The following PDE1A variants were observed in gnomAD, a reference collection of about 807,000 sequenced individuals.
The protein encoded by PDE1A is dual specificity calcium/calmodulin-dependent 3',5'-cyclic nucleotide phosphodiesterase 1A.
Under a neutral mutation model 61.7 loss-of-function variants are expected in PDE1A, and 35 were observed. The observed-to-expected ratio is 0.57, with a 90% CI of 0.43 to 0.75. The LOEUF (loss-of-function observed/expected upper bound fraction) is 0.75, where lower values mean the gene tolerates loss of function less well. Ranked by LOEUF, PDE1A falls within the 30% of genes least tolerant of loss-of-function variation. PDE1A has a pLI of 0.00. For synonymous variants in PDE1A, 232 were observed against 213.2 expected, an observed-to-expected ratio of 1.09 and a Z score of -0.77; for missense variants, 597 against 630.6, an observed-to-expected ratio of 0.95 and a Z score of 0.57.
At chr2:182,510,469 C>T (rs1268594040) in intron 2 of PDE1A, among the ~76,000 whole-genome samples, 1 of 152,184 alleles carries the variant, frequency 6.6e-6, no homozygotes, top group African/African-American at 2.4e-5. Context: ...TCACATATTA[C>T]ATTTGACTAG....
At chr2:182,585,907 T>G in the PDE1A span, among the ~76,000 whole-genome samples, 2 of 152,156 alleles carry the variant, frequency 1.3e-5, no homozygotes, top group East Asian at 3.8e-4. Flanking sequence ...GAAAGGTGAT[T>G]TGACTTAAAT....
the PDE1A span, among the ~76,000 whole-genome samples, chr2:182,560,763 G>A: frequency 1.3e-5 from 2 of 151,864 alleles, no homozygotes; most frequent in African/African-American, 4.8e-5. Context: ...ATTCTAACTA[G>A]TGTGAGATGG....
the PDE1A span, among the ~76,000 whole-genome samples, chr2:182,697,121 TGA>T: frequency 6.6e-6 from 1 of 152,174 alleles, no homozygotes; most frequent in African/African-American, 2.4e-5. Flanking sequence ...ATTCCCACCA[TGA>T]GAGTCATTAC....
chr2:182,458,993 A>T (rs770713184), intron 2 of PDE1A, among the ~76,000 whole-genome samples: 21 of 152,084 alleles, frequency 1.4e-4, no homozygotes, highest in Non-Finnish European at 1.5e-5. Flanking sequence ...ATTCTTACAC[A>T]ATATAGTAAA....
intron 2 of PDE1A, among the ~76,000 whole-genome samples, chr2:182,250,490 T>C (rs777293838): frequency 5.9e-5 from 9 of 152,200 alleles, no homozygotes; most frequent in Non-Finnish European, 8.8e-5. Context: ...CTGAAGCATG[T>C]TTATTTATTC....
intron 1 of PDE1A, among the ~76,000 whole-genome samples, chr2:182,375,462 CTCCAGGTCTTACA>C (rs1197586430): frequency 2.6e-5 from 4 of 152,220 alleles, no homozygotes; most frequent in Non-Finnish European, 5.9e-5. Flanking sequence ...TCTCCTTTGA[CTCCAGGTCTTACA>C]TCCAGGTCAC....
chr2:182,154,801 AAAAC>A (rs1457857667), intron 13 of PDE1A, among the ~76,000 whole-genome samples: 2 of 152,176 alleles, frequency 1.3e-5, no homozygotes, highest in African/African-American at 4.8e-5. Flanking sequence ...AATCATTTAA[AAAAC>A]AATTCTTAAA....
intron 2 of PDE1A, among the ~76,000 whole-genome samples, chr2:182,447,707 C>T (rs981981005): frequency 6.6e-6 from 1 of 152,092 alleles, no homozygotes; most frequent in Admixed American, 6.6e-5. Flanking sequence ...TTTCCTATGG[C>T]ATGGCTCACT....
chr2:182,530,349 G>C, the PDE1A span, among the ~76,000 whole-genome samples: 2 of 152,048 alleles, frequency 1.3e-5, no homozygotes, highest in African/African-American at 4.8e-5. Flanking sequence ...TGAAAAGCAG[G>C]GGGGTGGGAA....
the PDE1A span, among the ~76,000 whole-genome samples, chr2:182,556,338 G>A: frequency 1.3e-5 from 2 of 152,194 alleles, no homozygotes; most frequent in South Asian, 4.1e-4. Flanking sequence ...GAGAGGAAGA[G>A]AGAGCCACAG....
intron 7 of PDE1A, among the ~76,000 whole-genome samples, chr2:182,220,563 G>GAA (rs2125592917): frequency 6.6e-6 from 1 of 152,190 alleles, no homozygotes; most frequent in East Asian, 1.9e-4. Context: ...TGACTGCTAA[G>GAA]AAAAGAACAG....
the PDE1A span, among the ~76,000 whole-genome samples, chr2:182,560,438 CA>C: frequency 6.6e-6 from 1 of 151,078 alleles, no homozygotes; most frequent in Admixed American, 6.6e-5. Context: ...GTATATGTGC[CA>C]CATTTTCTTA....
chr2:182,186,635 C>G (rs749340502), intron 11 of PDE1A, 47 bp from the exon 12 acceptor site: 1 of 1,549,326 alleles, frequency 6.5e-7, no homozygotes, highest in East Asian at 2.3e-5. Context: ...TCAAGTGTTA[C>G]AATTTCCTGA....
chr2:182,443,489 G>A (rs1022535022), intron 2 of PDE1A, among the ~76,000 whole-genome samples: 4 of 151,746 alleles, frequency 2.6e-5, no homozygotes, highest in Non-Finnish European at 4.4e-5. Flanking sequence ...TGCTGGTCTC[G>A]AGATAGTGAG....
chr2:182,654,006 T>C, the PDE1A span, among the ~76,000 whole-genome samples: 1 of 152,172 alleles, frequency 6.6e-6, no homozygotes, highest in African/African-American at 2.4e-5. Context: ...AATATTAAAA[T>C]AATCAGAGTC....
chr2:182,560,883 C>A, the PDE1A span, among the ~76,000 whole-genome samples: 1 of 152,200 alleles, frequency 6.6e-6, no homozygotes. Context: ...CTGTTCATGT[C>A]CTTCACCCAC....
chr2:182,306,969 A>T (rs1186443034), intron 1 of PDE1A, among the ~76,000 whole-genome samples: 1 of 152,188 alleles, frequency 6.6e-6, no homozygotes, highest in Non-Finnish European at 1.5e-5. Context: ...CAAACTAAAA[A>T]GTTTCTGCAC....
intron 2 of PDE1A, among the ~76,000 whole-genome samples, chr2:182,508,704 G>T (rs937321216): frequency 2.5e-4 from 37 of 147,942 alleles, no homozygotes; most frequent in Non-Finnish European, 2.7e-4. Context: ...TATTTTCCGG[G>T]GTATCAAAGC....
intron 2 of PDE1A, among the ~76,000 whole-genome samples, chr2:182,246,407 T>C (rs796689909): frequency 0.042 from 5,875 of 141,058 alleles, 389 homozygotes; most frequent in African/African-American, 0.15. Flanking sequence ...TTTTCTTTCT[T>C]TTTTTTTTTT....
Sources: allele counts gnomAD v4.1 joint callset (sites outside exome capture counted in the v4.1 genomes callset), GRCh38; gene constraint gnomAD v4.1.1; transcripts MANE v1.5; gene names NCBI Gene and HGNC (gene_info 2026-07-23, HGNC 2026-07-21).